The following ARL15 variants were observed in gnomAD, a reference collection of about 807,000 sequenced individuals.
ARL15 encodes the protein ARF like GTPase 15.
In ARL15, 19 loss-of-function variants were observed where a neutral mutation model predicts 25.2. The observed-to-expected ratio is 0.75, with a 90% CI of 0.53 to 1.10. The LOEUF is 1.10. Ranked by LOEUF, ARL15 falls within the 50% of genes least tolerant of loss-of-function variation. The pLI, the probability that ARL15 is intolerant of heterozygous loss-of-function variation, is 0.00. For synonymous variants in ARL15, 94 were observed against 86.8 expected, an observed-to-expected ratio of 1.08 and a Z score of -0.46; for missense variants, 220 against 246.0, an observed-to-expected ratio of 0.89 and a Z score of 0.71.
At chr5:54,013,938 T>C (rs564330787) in intron 4 of ARL15, among the ~76,000 whole-genome samples, 1 of 152,056 alleles carries the variant, frequency 6.6e-6, no homozygotes, top group Non-Finnish European at 1.5e-5. Flanking sequence ...CTAGGCTGCC[T>C]TGCAATAATT....
At chr5:54,118,831 C>T (rs3756484) in intron 3 of ARL15, among the ~76,000 whole-genome samples, 1 of 152,070 alleles carries the variant, frequency 6.6e-6, no homozygotes, top group Non-Finnish European at 1.5e-5. Flanking sequence ...AAATGGCATG[C>T]CTCCCAGGAG....
chr5:54,165,953 C>T (rs1487158382), intron 2 of ARL15, among the ~76,000 whole-genome samples: 2 of 151,962 alleles, frequency 1.3e-5, no homozygotes, highest in African/African-American at 2.4e-5. Flanking sequence ...CTTCAACTGG[C>T]TGGATGAGGC....
chr5:53,944,652 C>T (rs377048493), intron 4 of ARL15, among the ~76,000 whole-genome samples: 26 of 152,202 alleles, frequency 1.7e-4, no homozygotes, highest in African/African-American at 5.8e-4. Context: ...GAGTAGCTCC[C>T]GACTGCACTC....
chr5:54,094,104 G>A (rs186968386), intron 4 of ARL15, among the ~76,000 whole-genome samples: 2 of 152,206 alleles, frequency 1.3e-5, no homozygotes, highest in East Asian at 3.9e-4. Context: ...AGGCCATCCT[G>A]GGCTAGTAGA....
chr5:53,965,747 C>T (rs1190980646), intron 4 of ARL15, among the ~76,000 whole-genome samples: 5 of 151,792 alleles, frequency 3.3e-5, no homozygotes, highest in Non-Finnish European at 5.9e-5. Context: ...TTCCAAAGTT[C>T]CTGCTTCTGA....
chr5:54,109,130 A>T (rs1752667860), intron 4 of ARL15, among the ~76,000 whole-genome samples: 1 of 152,046 alleles, frequency 6.6e-6, no homozygotes, highest in African/African-American at 2.4e-5. Flanking sequence ...TGGCCTGATC[A>T]CAAATTTTAA....
At chr5:54,122,337 C>T (rs1753105596) in intron 3 of ARL15, among the ~76,000 whole-genome samples, 1 of 152,242 alleles carries the variant, frequency 6.6e-6, no homozygotes, top group East Asian at 1.9e-4. Flanking sequence ...ACACAAACAG[C>T]ATGATTAGTC....
intron 4 of ARL15, among the ~76,000 whole-genome samples, chr5:54,094,843 G>A (rs368250441): frequency 1.3e-5 from 2 of 152,128 alleles, no homozygotes; most frequent in East Asian, 3.9e-4. Context: ...TTAAGGAGCT[G>A]TTCTAGGCAC....
intron 4 of ARL15, among the ~76,000 whole-genome samples, chr5:53,904,738 CTTT>C (rs35684823): frequency 1.0e-4 from 13 of 126,188 alleles, no homozygotes; most frequent in South Asian, 7.5e-4. Flanking sequence ...TTTTTAGTTC[CTTT>C]TTTTTTTTTT....
intron 2 of ARL15, among the ~76,000 whole-genome samples, chr5:54,170,189 A>G (rs2112396488): frequency 1.3e-5 from 2 of 152,136 alleles, no homozygotes; most frequent in African/African-American, 4.8e-5. Flanking sequence ...ACCCAACTAC[A>G]CTAGGCTTTG....
At chr5:53,974,775 C>A (rs1395566934) in intron 4 of ARL15, among the ~76,000 whole-genome samples, 1 of 152,210 alleles carries the variant, frequency 6.6e-6, no homozygotes, top group Non-Finnish European at 1.5e-5. Flanking sequence ...TGAGGCAACT[C>A]TAATTCTAGA....
At chr5:54,184,199 T>G (rs979689862) in intron 1 of ARL15, among the ~76,000 whole-genome samples, 1 of 132,056 alleles carries the variant, frequency 7.6e-6, no homozygotes, top group Admixed American at 8.0e-5. Context: ...TGTATACATA[T>G]GTAACTAACC....
At chr5:53,994,500 AAG>A (rs1314277074) in intron 4 of ARL15, among the ~76,000 whole-genome samples, 2 of 152,332 alleles carry the variant, frequency 1.3e-5, no homozygotes, top group African/African-American at 4.8e-5. Context: ...CTCTCTGGGG[AAG>A]AGAGGCTGAA....
Position 54,065,956 on chromosome 5 carries a change from G to C in ARL15, c.462+47246C>G, listed in dbSNP as rs529117359. 2.6e-5 allele frequency among the ~76,000 whole-genome samples: 4 copies of C among 152,146 alleles called. No homozygotes were observed. In the East Asian group the frequency reaches 5.8e-4, roughly 22 times the overall value. ...CACATTTGTGGTCTGCATTACATTT[G>C]GATCAATAAGGAATATAAACCGCAC... is the stretch of plus-strand genomic sequence containing the variant. On this transcript the variant is annotated intron_variant, in intron 4 of 4. Transcript: ENST00000504924.
At chr5:53,969,250 T>C (rs1006553025) in intron 4 of ARL15, among the ~76,000 whole-genome samples, 28 of 152,176 alleles carry the variant, frequency 1.8e-4, no homozygotes, top group Non-Finnish European at 3.7e-4. Context: ...TTGTCCACCA[T>C]AGCATATTTT....
chr5:53,964,625 G>T (rs1436425837), intron 4 of ARL15, among the ~76,000 whole-genome samples: 4 of 152,172 alleles, frequency 2.6e-5, no homozygotes, highest in African/African-American at 9.7e-5. Context: ...CTCCCAAAGT[G>T]CTGGGATTAC....
At chr5:53,959,886 T>C (rs949809657) in intron 4 of ARL15, among the ~76,000 whole-genome samples, 17 of 152,146 alleles carry the variant, frequency 1.1e-4, no homozygotes, top group African/African-American at 3.6e-4. Context: ...TGTTTACTTT[T>C]TTTTTCCCTT....
intron 4 of ARL15, among the ~76,000 whole-genome samples, chr5:53,896,008 G>A (rs920792493): frequency 6.6e-6 from 1 of 152,036 alleles, no homozygotes; most frequent in African/African-American, 2.4e-5. Context: ...TTAATATTGT[G>A]GGGTTATTTT....
At chr5:53,958,027 T>G (rs542910426) in intron 4 of ARL15, among the ~76,000 whole-genome samples, 1 of 151,962 alleles carries the variant, frequency 6.6e-6, no homozygotes, top group South Asian at 2.1e-4. Flanking sequence ...CTGGCCAACA[T>G]GGTGAAAACC....
Sources: allele counts gnomAD v4.1 joint callset (sites outside exome capture counted in the v4.1 genomes callset), GRCh38; gene constraint gnomAD v4.1.1; transcripts MANE v1.5; gene names NCBI Gene and HGNC (gene_info 2026-07-23, HGNC 2026-07-21).